ACO1: variants seen among roughly 807,000 people sequenced by gnomAD.
The protein encoded by ACO1 is cytoplasmic aconitate hydratase.
Under a neutral mutation model 105.1 loss-of-function variants are expected in ACO1, and 78 were observed. That is an observed-to-expected ratio of 0.74 (90% CI 0.62 to 0.90). ACO1 has a LOEUF of 0.90. ACO1 is among the 40% of genes least tolerant of loss of function. The pLI is 0.00. For missense variants in ACO1, 965 were observed against 1,111.1 expected (o/e 0.87, Z 1.87); for synonymous variants, 364 against 397.4 (o/e 0.92, Z 1.00).
rs73479403 is a variant in ACO1 at position 32,448,656 on chromosome 9, C to G, written c.2371-240C>G. The stretch of plus-strand genomic sequence containing the variant: ...TCCCAGGTGAGGTGACGCCCCACCC[C>G]ACTTGAGCGCATCCTCCATGGGCTG... On this transcript the variant is annotated intron_variant, in intron 19 of 20. Coordinates refer to ENST00000309951, the MANE Select transcript of ACO1 (RefSeq NM_002197.3). Among the ~76,000 whole-genome samples, 721 of 152,306 alleles carry G rather than the reference C, an allele frequency of 4.7e-3. 5 individuals carry two copies. The highest frequency in any genetic ancestry group is 0.017 in the African/African-American group (697 of 41,562).
At chr9:32,392,000 T>C (rs1024810744) in intron 1 of ACO1, among the ~76,000 whole-genome samples, 1 of 152,226 alleles carries the variant, frequency 6.6e-6, no homozygotes, top group African/African-American at 2.4e-5. Context: ...TAATAATGCC[T>C]ATATTATTTA....
Position 32,423,300 on chromosome 9 carries a change from T to G in ACO1, c.971-19T>G. On this transcript the variant is annotated intron_variant, in intron 8 of 20. Transcript: ENST00000309951. ...AATACTAACCTATGTTACTTGTTAC[T>G]CCTTAAAATGCCTTTTAGGTCGTGA... 1 of 1,429,648 alleles carries G rather than the reference T, an allele frequency of 7.0e-7. No individual in the cohort carries two copies. The allele number at this position is 1,429,648 out of a possible 1,614,324, so 88.6% of individuals were successfully genotyped here. A position where few individuals can be genotyped will look rare whatever the true frequency, so the allele number is the denominator to read the frequency against.
chr9:32,428,574 C>T (rs940536750), intron 12 of ACO1, among the ~76,000 whole-genome samples: 2 of 152,126 alleles, frequency 1.3e-5, no homozygotes, highest in South Asian at 2.1e-4. Context: ...CGCGGTGGCT[C>T]ATGCCTGTAA....
chr9:32,406,473 A>G (rs1821613364), intron 2 of ACO1, among the ~76,000 whole-genome samples: 1 of 152,278 alleles, frequency 6.6e-6, no homozygotes. Context: ...ATAGAAAAAA[A>G]TTAGCTGGGT....
At chr9:32,391,479 T>A (rs1408666295) in intron 1 of ACO1, among the ~76,000 whole-genome samples, 1 of 152,252 alleles carries the variant, frequency 6.6e-6, no homozygotes, top group Non-Finnish European at 1.5e-5. Context: ...TCTGCTGTTA[T>A]CTTTGGTGTC....
At chr9:32,415,625 G>A (rs1821830909) in intron 4 of ACO1, among the ~76,000 whole-genome samples, 1 of 152,198 alleles carries the variant, frequency 6.6e-6, no homozygotes, top group Admixed American at 6.5e-5. Context: ...TGAGTACCTT[G>A]AGGAGCAGCT....
chr9:32,398,745 C>T (rs1234195641), intron 1 of ACO1, among the ~76,000 whole-genome samples: 1 of 152,018 alleles, frequency 6.6e-6, no homozygotes, highest in East Asian at 1.9e-4. Context: ...AGGTGTGGGA[C>T]ACCATGACTG....
At chr9:32,391,475 G>C (rs929022493) in intron 1 of ACO1, among the ~76,000 whole-genome samples, 9 of 152,182 alleles carry the variant, frequency 5.9e-5, no homozygotes, top group Admixed American at 4.6e-4. Flanking sequence ...ATGTTCTGCT[G>C]TTATCTTTGG....
At chr9:32,413,152 T>C (rs1318633536) in intron 4 of ACO1, among the ~76,000 whole-genome samples, 1 of 152,148 alleles carries the variant, frequency 6.6e-6, no homozygotes, top group African/African-American at 2.4e-5. Context: ...TGACCTAGAT[T>C]GATAACCAAA....
rs1822814891 is a variant in ACO1, at chr9:32,453,516, T to C, written c.*3405T>C. On this transcript the variant is annotated 3_prime_UTR_variant, in exon 21 of 21. Coordinates refer to ENST00000309951, the MANE Select transcript of ACO1 (RefSeq NM_002197.3). ...CCTTCTGTTGGCCTCTGCAGTAGAG[T>C]GGCCTCTTCTGGGCCCTTCCACATG... is the stretch of plus-strand genomic sequence containing the variant. The C allele has an allele frequency of 1.3e-5, 2 of 151,884 alleles. No individual in the cohort carries two copies. Among genetic ancestry groups the C allele is most frequent in the South Asian group, 4.2e-4 (2 of 4,814 alleles). The allele number at this position is 151,884 out of a possible 1,614,324, so 9.4% of individuals were successfully genotyped here.
chr9:32,404,686 C>CAA (rs1427197932), intron 1 of ACO1, among the ~76,000 whole-genome samples: 1 of 152,164 alleles, frequency 6.6e-6, no homozygotes, highest in East Asian at 1.9e-4. Flanking sequence ...GCCCTGGAGG[C>CAA]ATTTTGATTG....
chr9:32,442,028 C>T (rs954651241), intron 19 of ACO1, among the ~76,000 whole-genome samples: 2 of 152,124 alleles, frequency 1.3e-5, no homozygotes, highest in Non-Finnish European at 1.5e-5. Context: ...TCTACCGCCC[C>T]AAAGAATCTG....
chr9:32,423,719 A>G (rs1254627261), intron 9 of ACO1, among the ~76,000 whole-genome samples: 2 of 152,224 alleles, frequency 1.3e-5, no homozygotes, highest in East Asian at 1.9e-4. Context: ...TGCTAAAGGA[A>G]TAAGAATGAT....
chr9:32,416,253 C>G (rs543998330), intron 4 of ACO1, among the ~76,000 whole-genome samples: 6 of 151,958 alleles, frequency 3.9e-5, no homozygotes, highest in Non-Finnish European at 8.8e-5. Flanking sequence ...TGCCACCATG[C>G]CCGGCTAATT....
At chr9:32,405,648 T>C (rs769669115) in intron 2 of ACO1, 45 bp downstream of exon 2, 9 of 1,342,264 alleles carry the variant, frequency 6.7e-6, no homozygotes, top group Admixed American at 3.8e-5. Context: ...ATTTGCACAA[T>C]GATTAGGCTA....
intron 4 of ACO1, among the ~76,000 whole-genome samples, chr9:32,413,305 A>G (rs1821780529): frequency 1.3e-5 from 2 of 151,704 alleles, no homozygotes; most frequent in African/African-American, 4.8e-5. Context: ...CCAACATGGT[A>G]AAACCATGTC....
chr9:32,443,961 C>A (rs1462514928), intron 19 of ACO1, among the ~76,000 whole-genome samples: 1 of 152,150 alleles, frequency 6.6e-6, no homozygotes, highest in Admixed American at 6.5e-5. Flanking sequence ...CTAATGCTAT[C>A]CCTCCCCTAG....
At chr9:32,438,338 C>A (rs891445267) in intron 18 of ACO1, among the ~76,000 whole-genome samples, 3 of 152,118 alleles carry the variant, frequency 2.0e-5, no homozygotes, top group African/African-American at 7.2e-5. Context: ...GCAATGTGTT[C>A]CACCAAAATG....
At chr9:32,406,209 A>G (rs10970964) in intron 2 of ACO1, among the ~76,000 whole-genome samples, 36,368 of 152,136 alleles carry the variant, frequency 0.24, 4,649 homozygotes, top group East Asian at 0.47. Flanking sequence ...GTACGTGCAT[A>G]TACTTTGGTC....
Sources: allele counts gnomAD v4.1 joint callset (sites outside exome capture counted in the v4.1 genomes callset), GRCh38; gene constraint gnomAD v4.1.1; transcripts MANE v1.5; gene names NCBI Gene and HGNC (gene_info 2026-07-23, HGNC 2026-07-21).